Variants in RABGAP1L observed in about 807,000 individuals in gnomAD.
The protein encoded by RABGAP1L is rab GTPase-activating protein 1-like.
Under a neutral mutation model 137.7 loss-of-function variants are expected in RABGAP1L, and 63 were observed. The ratio of observed to expected loss-of-function variants is 0.46; its 90% CI spans 0.37 to 0.56. The LOEUF is 0.56. Among genes scored for constraint, RABGAP1L ranks in the 20% least tolerant of loss-of-function variants. The probability of loss-of-function intolerance (pLI) is 0.00; values close to 1 mark genes in which losing one functional copy is unlikely to be tolerated. For synonymous variants in RABGAP1L, 431 were observed against 433.7 expected (o/e 0.99, Z 0.08); for missense variants, 1,095 against 1,244.0 (o/e 0.88, Z 1.80).
At chr1:174,462,895 A>G (rs79006333) in intron 13 of RABGAP1L, among the ~76,000 whole-genome samples, 31,885 of 152,170 alleles carry the variant, frequency 0.21, 3,691 homozygotes, top group Admixed American at 0.25. Context: ...TGTGCAGCCA[A>G]AAAACACATG....
At chr1:174,425,893 A>G (rs1651891289) in intron 13 of RABGAP1L, among the ~76,000 whole-genome samples, 1 of 152,076 alleles carries the variant, frequency 6.6e-6, no homozygotes, top group Non-Finnish European at 1.5e-5. Flanking sequence ...CATATAAACA[A>G]ATGTTAGTTG....
chr1:174,703,931 A>G (rs1679861286), intron 17 of RABGAP1L, among the ~76,000 whole-genome samples: 1 of 152,022 alleles, frequency 6.6e-6, no homozygotes, highest in Non-Finnish European at 1.5e-5. Flanking sequence ...TAATGGGGCT[A>G]GTTGGTTTTT....
intron 13 of RABGAP1L, among the ~76,000 whole-genome samples, chr1:174,625,133 A>G (rs1184791432): frequency 6.6e-6 from 1 of 151,840 alleles, no homozygotes; most frequent in East Asian, 1.9e-4. Context: ...CTGCCTCCCA[A>G]AGTGCTGGGA....
chr1:174,423,488 A>C (rs1651593338), intron 13 of RABGAP1L, among the ~76,000 whole-genome samples: 1 of 62,808 alleles, frequency 1.6e-5, no homozygotes, highest in Non-Finnish European at 2.8e-5. Context: ...CTCTAATCTC[A>C]AATGAACTGC....
At chr1:174,927,821 T>A (rs1158553462) in intron 19 of RABGAP1L, among the ~76,000 whole-genome samples, 1 of 152,184 alleles carries the variant, frequency 6.6e-6, no homozygotes, top group African/African-American at 2.4e-5. Flanking sequence ...TCATTTCACT[T>A]CCCTGTTTCA....
At chr1:174,842,771 TC>T (rs1693555475) in intron 19 of RABGAP1L, among the ~76,000 whole-genome samples, 1 of 152,174 alleles carries the variant, frequency 6.6e-6, no homozygotes, top group Non-Finnish European at 1.5e-5. Flanking sequence ...GTTCTCTGCT[TC>T]CACTTGATGT....
chr1:174,317,820 T>C (rs559621837), intron 11 of RABGAP1L, among the ~76,000 whole-genome samples: 6 of 152,144 alleles, frequency 3.9e-5, no homozygotes, highest in Non-Finnish European at 7.4e-5. Context: ...TTTGTACCGC[T>C]GGGGTCAGGG....
At chr1:174,543,446 G>A (rs1181914482) in intron 13 of RABGAP1L, among the ~76,000 whole-genome samples, 1 of 151,840 alleles carries the variant, frequency 6.6e-6, no homozygotes, top group East Asian at 1.9e-4. Flanking sequence ...CCATTTGCTT[G>A]GCAGATCTTC....
chr1:174,957,998 T>C, intron 20 of RABGAP1L: 1 of 1,557,698 alleles, frequency 6.4e-7, no homozygotes, highest in Non-Finnish European at 8.6e-7. Flanking sequence ...CTTTCAAAAA[T>C]GAAACAAAAA....
At chr1:174,624,303 AT>A (rs1490101837) in intron 13 of RABGAP1L, among the ~76,000 whole-genome samples, 1 of 152,126 alleles carries the variant, frequency 6.6e-6, no homozygotes, top group Non-Finnish European at 1.5e-5. Context: ...TTCTCCACTG[AT>A]TTCCCATAGC....
rs142919607 is a variant in RABGAP1L, at chr1:174,435,304, C to G, written c.1710+41159C>G. ...AAGTGCTGGGATTATAAGTGTGAGC[C>G]ACTGCACCTGTTCATCTTTGTCTAT... On this transcript the variant is annotated intron_variant, in intron 13 of 25. Transcript: ENST00000681986. 7.6e-4 allele frequency among the ~76,000 whole-genome samples: 115 copies of G among 152,304 alleles called. 2 individuals carry two copies. The East Asian group carries it at 0.018, about 24-fold the overall frequency.
chr1:174,901,041 A>G (rs1658053810), intron 19 of RABGAP1L, among the ~76,000 whole-genome samples: 1 of 151,928 alleles, frequency 6.6e-6, no homozygotes, highest in Non-Finnish European at 1.5e-5. Flanking sequence ...TTTCCGAAAG[A>G]TAGTCTTCAA....
chr1:174,652,044 C>G (rs1490708861), intron 14 of RABGAP1L, among the ~76,000 whole-genome samples: 1 of 152,178 alleles, frequency 6.6e-6, no homozygotes, highest in Non-Finnish European at 1.5e-5. Context: ...GTGACAAAAT[C>G]TCTCAGCATT....
intron 20 of RABGAP1L, among the ~76,000 whole-genome samples, chr1:174,959,299 G>C (rs1668881249): frequency 6.6e-6 from 1 of 152,104 alleles, no homozygotes; most frequent in Non-Finnish European, 1.5e-5. Flanking sequence ...CAAAATGAAG[G>C]TCTCCTTTTG....
rs1407820568 is a variant in RABGAP1L, at chr1:174,274,640, AGAG to A, written c.1054-1189_1054-1187del. 4.6e-4 allele frequency among the ~76,000 whole-genome samples: 45 copies of A among 97,596 alleles called. 1 individual carries two copies. In the East Asian group the frequency reaches 9.8e-3, roughly 21 times the overall value. 64.0% of individuals were successfully genotyped at this position (97,596 alleles called of 152,430 possible). On this transcript the variant is annotated intron_variant, in intron 8 of 25. Coordinates refer to ENST00000681986, the MANE Select transcript of RABGAP1L (RefSeq NM_001366446.1). ...TGTGTGTGTGTGTGTGTGTGTGTGTAGAGGAGAGAAAGAGACCATTATCATATG... is the reference window on the plus strand; with the variant it reads ...TGTGTGTGTGTGTGTGTGTGTGTGTAGAGAGAAAGAGACCATTATCATATG...
intron 19 of RABGAP1L, among the ~76,000 whole-genome samples, chr1:174,820,691 C>A (rs373072140): frequency 6.6e-6 from 1 of 152,074 alleles, no homozygotes; most frequent in Non-Finnish European, 1.5e-5. Context: ...ATCTTTTTCT[C>A]AAAAATTCAT....
chr1:174,254,945 C>T (rs1250019539), intron 7 of RABGAP1L, among the ~76,000 whole-genome samples: 1 of 152,172 alleles, frequency 6.6e-6, no homozygotes, highest in Non-Finnish European at 1.5e-5. Flanking sequence ...CTAATTTGCA[C>T]TCCTGCCAGC....
intron 13 of RABGAP1L, among the ~76,000 whole-genome samples, chr1:174,436,432 T>C (rs1473330460): frequency 6.6e-6 from 1 of 152,238 alleles, no homozygotes; most frequent in Non-Finnish European, 1.5e-5. Flanking sequence ...TTCATGTGTT[T>C]TTTGGCTGCA....
intron 18 of RABGAP1L, chr1:174,756,867 AC>A (rs1558049456): frequency 1.5e-5 from 9 of 618,428 alleles, no homozygotes; most frequent in Non-Finnish European, 1.5e-5. Flanking sequence ...AAGGTGTCAC[AC>A]CACTCTCGAA....
Sources: gnomAD v4.1 joint callset for allele counts (sites outside exome capture counted in the v4.1 genomes callset) on GRCh38, gnomAD v4.1.1 for gene constraint, MANE v1.5 for transcripts, NCBI Gene and HGNC (gene_info 2026-07-23, HGNC 2026-07-21) for gene names.